Variants in ALK observed in about 807,000 individuals in gnomAD.
The protein encoded by ALK is ALK receptor tyrosine kinase.
In ALK, 74 loss-of-function variants were observed where a neutral mutation model predicts 163.1. The observed-to-expected ratio is 0.45, with a 90% CI of 0.38 to 0.55. The LOEUF (loss-of-function observed/expected upper bound fraction) is 0.55, where lower values mean the gene tolerates loss of function less well. Ranked by LOEUF, ALK falls within the 20% of genes least tolerant of loss-of-function variation. ALK has a pLI of 0.00. For synonymous variants in ALK, 960 were observed against 843.2 expected, an observed-to-expected ratio of 1.14 and a Z score of -2.40; for missense variants, 2,063 against 2,105.3, an observed-to-expected ratio of 0.98 and a Z score of 0.39.
intron 4 of ALK, among the ~76,000 whole-genome samples, chr2:29,494,998 A>T (rs1370377229): frequency 6.6e-6 from 1 of 152,236 alleles, no homozygotes; most frequent in Non-Finnish European, 1.5e-5. Context: ...CTGCGATAGC[A>T]GACTGTGCTT....
intron 1 of ALK, among the ~76,000 whole-genome samples, chr2:29,870,068 G>C (rs1666539042): frequency 6.6e-6 from 1 of 152,142 alleles, no homozygotes; most frequent in Admixed American, 6.6e-5. Flanking sequence ...GCTGGTAGAA[G>C]TATACATTTT....
chr2:29,763,706 C>T (rs549068327), intron 1 of ALK, among the ~76,000 whole-genome samples: 1 of 152,220 alleles, frequency 6.6e-6, no homozygotes, highest in South Asian at 2.1e-4. Flanking sequence ...CCTTTCCTAT[C>T]AGCTTTGAGG....
At chr2:29,297,145 A>G in intron 8 of ALK, 88 bp from the exon 9 acceptor site, 3 of 1,508,066 alleles carry the variant, frequency 2.0e-6, no homozygotes, top group Non-Finnish European at 2.7e-6. Context: ...CAAGGACCTT[A>G]TAAGAGACTC....
intron 11 of ALK, among the ~76,000 whole-genome samples, chr2:29,257,055 C>T (rs1664966520): frequency 6.6e-6 from 1 of 152,122 alleles, no homozygotes; most frequent in Non-Finnish European, 1.5e-5. Flanking sequence ...GCTGAGCAGA[C>T]AATCTAAAGG....
intron 8 of ALK, among the ~76,000 whole-genome samples, chr2:29,298,010 C>A (rs1323630765): frequency 2.0e-5 from 3 of 152,136 alleles, no homozygotes; most frequent in Admixed American, 2.0e-4. Context: ...CTCTGAATAC[C>A]TGCTTCTTTG....
intron 2 of ALK, among the ~76,000 whole-genome samples, chr2:29,697,355 G>C (rs1416397704): frequency 3.3e-5 from 5 of 152,184 alleles, no homozygotes; most frequent in Admixed American, 3.3e-4. Context: ...AGAGAAAAGA[G>C]AGGCAGGAAG....
chr2:29,289,429 C>T (rs565544773), intron 9 of ALK, among the ~76,000 whole-genome samples: 2 of 152,214 alleles, frequency 1.3e-5, no homozygotes, highest in Non-Finnish European at 2.9e-5. Context: ...ATAATTGCCT[C>T]TGAGACCACC....
intron 1 of ALK, among the ~76,000 whole-genome samples, chr2:29,884,298 T>G (rs1279888823): frequency 6.6e-6 from 1 of 152,182 alleles, no homozygotes; most frequent in South Asian, 2.1e-4. Context: ...AATAACACCA[T>G]GGGACCCATA....
intron 1 of ALK, among the ~76,000 whole-genome samples, chr2:29,813,480 C>T (rs187072843): frequency 2.6e-5 from 4 of 152,124 alleles, no homozygotes; most frequent in Non-Finnish European, 4.4e-5. Flanking sequence ...GTTGAGGGCT[C>T]AAGGTTGCAT....
At chr2:29,713,670 T>C (rs529282582) in intron 2 of ALK, among the ~76,000 whole-genome samples, 3 of 152,304 alleles carry the variant, frequency 2.0e-5, no homozygotes, top group African/African-American at 7.2e-5. Flanking sequence ...AGGTTCATTC[T>C]TTTCTAATGG....
chr2:29,816,825 TG>T (rs1336791743), intron 1 of ALK, among the ~76,000 whole-genome samples: 2 of 152,190 alleles, frequency 1.3e-5, no homozygotes, highest in African/African-American at 4.8e-5. Context: ...ATGTGATGTA[TG>T]GTCTATGAGG....
chr2:29,493,035 C>T (rs1228916864), intron 4 of ALK, among the ~76,000 whole-genome samples: 1 of 152,146 alleles, frequency 6.6e-6, no homozygotes, highest in Admixed American at 6.5e-5. Context: ...GAGCATGCAT[C>T]TCATTTCAGC....
At chr2:29,210,183 G>A (rs990041125) in intron 24 of ALK, among the ~76,000 whole-genome samples, 1 of 151,420 alleles carries the variant, frequency 6.6e-6, no homozygotes, top group South Asian at 2.1e-4. Flanking sequence ...AAGTGTTGTT[G>A]TAAGTGCTTC....
chr2:29,811,730 C>T (rs1427467968), intron 1 of ALK, among the ~76,000 whole-genome samples: 5 of 152,236 alleles, frequency 3.3e-5, no homozygotes, highest in Non-Finnish European at 7.3e-5. Flanking sequence ...TTCTGCTCCT[C>T]CATTCCTGGC....
At chr2:29,377,232 C>CAGG (rs1668774168) in intron 5 of ALK, among the ~76,000 whole-genome samples, 2 of 152,000 alleles carry the variant, frequency 1.3e-5, no homozygotes, top group Non-Finnish European at 2.9e-5. Flanking sequence ...AATCCCAGCA[C>CAGG]TTGGGAAGCC....
chr2:29,441,574 A>G (rs1232141185), intron 4 of ALK, among the ~76,000 whole-genome samples: 3 of 152,104 alleles, frequency 2.0e-5, no homozygotes, highest in East Asian at 1.9e-4. Flanking sequence ...AGAAATGGCT[A>G]TTTTTCAATT....
intron 13 of ALK, among the ~76,000 whole-genome samples, chr2:29,234,420 G>T (rs1303071559): frequency 1.3e-5 from 2 of 152,132 alleles, no homozygotes; most frequent in Non-Finnish European, 2.9e-5. Context: ...AAAAAAACCA[G>T]CAAGAGGCCA....
At chr2:29,655,266 A>G (rs1270617204) in intron 3 of ALK, among the ~76,000 whole-genome samples, 1 of 152,170 alleles carries the variant, frequency 6.6e-6, no homozygotes, top group African/African-American at 2.4e-5. Flanking sequence ...GAATATGGTG[A>G]CATTAACAAA....
chr2:29,527,393 C>T (rs1399862026), intron 4 of ALK, among the ~76,000 whole-genome samples: 1 of 152,146 alleles, frequency 6.6e-6, no homozygotes. Flanking sequence ...AGATTTTAAT[C>T]TAAGGGCAGT....
Sources: allele counts gnomAD v4.1 joint callset (sites outside exome capture counted in the v4.1 genomes callset), GRCh38; gene constraint gnomAD v4.1.1; transcripts MANE v1.5; gene names NCBI Gene and HGNC (gene_info 2026-07-23, HGNC 2026-07-21).